C3: variants seen among roughly 807,000 people sequenced by gnomAD.
C3 encodes complement C3.
In C3, 97 loss-of-function variants were observed where a neutral mutation model predicts 207.9. The ratio of observed to expected loss-of-function variants is 0.47; its 90% CI spans 0.40 to 0.55. The LOEUF is 0.55. Ranked by LOEUF, C3 falls within the 20% of genes least tolerant of loss-of-function variation. The probability of loss-of-function intolerance (pLI) is 0.00; values close to 1 mark genes in which losing one functional copy is unlikely to be tolerated. For synonymous variants in C3, 848 were observed against 857.6 expected (o/e 0.99, Z 0.20); for missense variants, 1,684 against 2,171.7 (o/e 0.78, Z 4.46).
At chr19:6,693,534 A>AG (rs34248111) in intron 24 of C3, 47 bp from the exon 25 acceptor site, 1 of 1,498,062 alleles carries the variant, frequency 6.7e-7, no homozygotes. Flanking sequence ...GGCTGAGCAG[A>AG]GGGGGCACGC....
intron 11 of C3, among the ~76,000 whole-genome samples, 184 bp from the exon 12 acceptor site, chr19:6,711,380 G>A (rs1461677195): frequency 6.6e-6 from 1 of 152,152 alleles, no homozygotes; most frequent in African/African-American, 2.4e-5. Context: ...AATCATAAGG[G>A]TCTTTATTAA....
At chr19:6,688,871 T>C (rs1279377579) in intron 27 of C3, among the ~76,000 whole-genome samples, 1 of 152,216 alleles carries the variant, frequency 6.6e-6, no homozygotes, top group Non-Finnish European at 1.5e-5. Flanking sequence ...TTCCTGTCCT[T>C]AGCTGATTGG....
In C3 at chr19:6,685,150, G is replaced by A; in HGVS notation, c.3811-4C>T. On this transcript the variant is annotated splice_polypyrimidine_tract_variant and splice_region_variant and intron_variant, in intron 29 of 40. Coordinates refer to ENST00000245907, the MANE Select transcript of C3 (RefSeq NM_000064.4). The stretch of plus-strand genomic sequence containing the variant: ...CTTGGAACACCATGAAGGTGGCCTA[G>A]AACCCACAAGAGAGAAAGATGGTGA... 6.2e-7 allele frequency: 1 copy of A among 1,613,394 alleles called. No individual in the cohort carries two copies. Among genetic ancestry groups the A allele is most frequent in the Non-Finnish European group, 8.5e-7 (1 of 1,179,574 alleles).
intron 26 of C3, among the ~76,000 whole-genome samples, chr19:6,690,952 G>C (rs1298996243): frequency 6.6e-6 from 1 of 152,230 alleles, no homozygotes; most frequent in African/African-American, 2.4e-5. Flanking sequence ...TGGGTACAAC[G>C]GTCTGATCCA....
chr19:6,687,922 T>C (rs1354866341), intron 27 of C3, among the ~76,000 whole-genome samples: 1 of 149,946 alleles, frequency 6.7e-6, no homozygotes, highest in Non-Finnish European at 1.5e-5. Flanking sequence ...AGTGGCGCGA[T>C]CTCGGCTCAC....
chr19:6,701,383 T>C (rs1967668869), intron 19 of C3, among the ~76,000 whole-genome samples: 1 of 152,010 alleles, frequency 6.6e-6, no homozygotes, highest in Non-Finnish European at 1.5e-5. Flanking sequence ...TCCCAAAACA[T>C]GCTTACAAGT....
intron 23 of C3, among the ~76,000 whole-genome samples, chr19:6,695,947 T>C (rs1374095044): frequency 6.6e-6 from 1 of 151,888 alleles, no homozygotes; most frequent in Non-Finnish European, 1.5e-5. Flanking sequence ...TAATGGCTCA[T>C]GCCTGTAATC....
intron 13 of C3, among the ~76,000 whole-genome samples, chr19:6,710,226 AGG>A (rs1203901027): frequency 3.4e-5 from 2 of 59,440 alleles, no homozygotes; most frequent in East Asian, 1.1e-3. Context: ...GGGAGAGAGA[AGG>A]AGAGAGAGGG....
intron 27 of C3, among the ~76,000 whole-genome samples, chr19:6,690,206 C>A (rs1032019715): frequency 6.6e-6 from 1 of 152,166 alleles, no homozygotes; most frequent in Non-Finnish European, 1.5e-5. Flanking sequence ...GCTCTGTATC[C>A]CAAGTTTTCT....
At chr19:6,720,399 AC>A (rs2145439080) in intron 1 of C3, 116 bp downstream of exon 1, 1 of 751,728 alleles carries the variant, frequency 1.3e-6, no homozygotes, top group Non-Finnish European at 2.4e-6. Flanking sequence ...CAACCTGCTA[AC>A]CCCTGAATCC....
chr19:6,681,824 C>A, intron 35 of C3, 117 bp downstream of exon 35: 1 of 819,388 alleles, frequency 1.2e-6, no homozygotes. Flanking sequence ...GACCCTGTCT[C>A]CTCTGGCCCA....
chr19:6,679,353 C>T lies in C3; in HGVS notation c.4546+54G>A, dbSNP rs377581390. On this transcript the variant is annotated intron_variant, in intron 37 of 40. Transcript: ENST00000245907. ...GGTCCCTGACCATGGGATAGATGAC[C>T]TGGGTAAGTGTGGCTTGCTCAGACC... 4.0e-6 allele frequency: 6 copies of T among 1,490,924 alleles called. No homozygotes were observed. In the African/African-American group the frequency reaches 5.5e-5, roughly 14 times the overall value. The allele number at this position is 1,490,924 out of a possible 1,614,324, so 92.4% of individuals were successfully genotyped here.
At chr19:6,679,358 T>A in intron 37 of C3, 49 bp downstream of exon 37, 1 of 1,494,098 alleles carries the variant, frequency 6.7e-7, no homozygotes, top group Non-Finnish European at 9.3e-7. Flanking sequence ...ATGACCTGGG[T>A]AAGTGTGGCT....
chr19:6,708,133 AC>A (rs1967822959), intron 14 of C3, among the ~76,000 whole-genome samples: 1 of 148,342 alleles, frequency 6.7e-6, no homozygotes, highest in African/African-American at 2.5e-5. Context: ...TCTCTTTCTC[AC>A]TCTCTCTCTT....
chr19:6,680,004 T>C (rs1599496942), intron 36 of C3, 154 bp downstream of exon 36: 2 of 672,136 alleles, frequency 3.0e-6, no homozygotes, highest in Non-Finnish European at 5.6e-6. Context: ...TCATAGATCC[T>C]TGGGACCCTC....
intron 27 of C3, among the ~76,000 whole-genome samples, chr19:6,687,770 G>A (rs575219136): frequency 1.5e-4 from 23 of 151,990 alleles, no homozygotes; most frequent in African/African-American, 5.3e-4. Flanking sequence ...GAGTTTGAGT[G>A]TTTCTAACCT....
intron 27 of C3, among the ~76,000 whole-genome samples, chr19:6,689,332 C>CTCTTCTT (rs1599503366): frequency 4.5e-5 from 2 of 44,534 alleles, no homozygotes; most frequent in African/African-American, 2.5e-4. Flanking sequence ...TACCTACCTC[C>CTCTTCTT]CTCCCTCCCT....
chr19:6,713,651 G>GGCCCCACGCCCAGCCCCCCACCTT, intron 7 of C3, 142 bp from the exon 8 acceptor site: 2 of 584,734 alleles, frequency 3.4e-6, no homozygotes, highest in Non-Finnish European at 5.9e-6. Context: ...CCCCTCACCT[G>GGCCCCACGCCCAGCCCCCCACCTT]GCCCCACCCC....
intron 27 of C3, among the ~76,000 whole-genome samples, chr19:6,689,362 T>TA (rs1198817563): frequency 3.6e-5 from 3 of 84,274 alleles, no homozygotes; most frequent in African/African-American, 1.5e-4. Context: ...CCTCCCTCCC[T>TA]CTCTCTCTCT....
Sources: gnomAD v4.1 joint callset for allele counts (sites outside exome capture counted in the v4.1 genomes callset) on GRCh38, gnomAD v4.1.1 for gene constraint, MANE v1.5 for transcripts, NCBI Gene and HGNC (gene_info 2026-07-23, HGNC 2026-07-21) for gene names.